Variants in TMEM26 observed in about 807,000 individuals in gnomAD.
The protein encoded by TMEM26 is transmembrane protein 26.
Under a neutral mutation model 28.8 loss-of-function variants are expected in TMEM26, and 38 were observed. That is an observed-to-expected ratio of 1.32 (90% CI 1.02 to 1.73). The LOEUF (loss-of-function observed/expected upper bound fraction) is 1.73, where lower values mean the gene tolerates loss of function less well. TMEM26 is among the 40% of genes most tolerant of loss of function. The pLI is 0.00. For missense variants in TMEM26, 518 were observed against 447.1 expected (o/e 1.16, Z -1.43); for synonymous variants, 227 against 182.9 (o/e 1.24, Z -1.95).
chr10:61,445,759 C>T (rs1840170458), intron 1 of TMEM26, among the ~76,000 whole-genome samples: 1 of 151,948 alleles, frequency 6.6e-6, no homozygotes, highest in Non-Finnish European at 1.5e-5. Context: ...AGTACCAAGA[C>T]TTTACAGGAA....
chr10:61,444,143 C>T (rs1840139940), intron 1 of TMEM26, among the ~76,000 whole-genome samples: 1 of 152,142 alleles, frequency 6.6e-6, no homozygotes, highest in Admixed American at 6.5e-5. Flanking sequence ...CTTGATTCTG[C>T]AGGCTTTCCA....
At chr10:61,429,584 A>G (rs1013168649) in intron 3 of TMEM26, among the ~76,000 whole-genome samples, 6 of 152,104 alleles carry the variant, frequency 3.9e-5, no homozygotes, top group Non-Finnish European at 8.8e-5. Context: ...TATTTTTAGC[A>G]TTGTACAAAT....
In TMEM26 at chr10:61,408,366, T is replaced by G. The variant is rs1417484309; in HGVS notation, c.*1956A>C. ...TCACGAAGCCAAGCCAAGTCTCAGA[T>G]TTGAAAGCATTTAAAAATATCCTTG... On this transcript the variant is annotated 3_prime_UTR_variant, in exon 6 of 6. Coordinates refer to ENST00000399298, the MANE Select transcript of TMEM26 (RefSeq NM_178505.8). The G allele has an allele frequency of 6.6e-6, 1 of 152,204 alleles. No individual in the cohort carries two copies. The highest frequency in any genetic ancestry group is 2.4e-5 in the African/African-American group (1 of 41,454). The allele number at this position is 152,204 out of a possible 1,614,324, so 9.4% of individuals were successfully genotyped here.
chr10:61,428,910 T>G lies in TMEM26; in HGVS notation c.605+16A>C. On this transcript the variant is annotated intron_variant, in intron 4 of 5. Transcript: ENST00000399298. The stretch of plus-strand genomic sequence containing the variant: ...GACCCTGAAAACAAGGTGTTTTTGC[T>G]GCAAGGAATGCTCACCTCACATTTT... 1 of 1,611,124 alleles carries G rather than the reference T, an allele frequency of 6.2e-7. No homozygotes were observed. Among genetic ancestry groups the G allele is most frequent in the Non-Finnish European group, 8.5e-7 (1 of 1,177,824 alleles).
intron 1 of TMEM26, among the ~76,000 whole-genome samples, chr10:61,446,028 CTT>C (rs879435876): frequency 1.4e-4 from 22 of 152,092 alleles, no homozygotes; most frequent in Non-Finnish European, 2.6e-4. Flanking sequence ...TATCAGTAAA[CTT>C]AATTTTCAGT....
intron 2 of TMEM26, 92 bp downstream of exon 2, chr10:61,436,078 T>G: frequency 1.3e-6 from 1 of 784,468 alleles, no homozygotes; most frequent in Non-Finnish European, 2.1e-6. Flanking sequence ...CTCCAGTACC[T>G]TAGAAAAGTG....
Position 61,429,117 on chromosome 10 carries a change from T to C in TMEM26, c.414A>G (p.Thr138=). ...TAKVFVNNLS[T]VCEKVWTLGL... ...CCAATGTCCAAACTTTCTCACATAC[T>C]GTAGATAAGTTATTCACAAAAACTT... is the stretch of plus-strand genomic sequence containing the variant. The change falls in exon 4 of 6, where the codon ACA becomes ACG. Residue 138 remains threonine, a synonymous_variant. Coordinates refer to ENST00000399298, the MANE Select transcript of TMEM26 (RefSeq NM_178505.8). The C allele has an allele frequency of 6.2e-7, 1 of 1,613,084 alleles. No individual in the cohort carries two copies. Among genetic ancestry groups the C allele is most frequent in the Non-Finnish European group, 8.5e-7 (1 of 1,179,342 alleles).
intron 2 of TMEM26, among the ~76,000 whole-genome samples, chr10:61,432,013 A>G (rs1839930883): frequency 6.6e-6 from 1 of 152,132 alleles, no homozygotes; most frequent in South Asian, 2.1e-4. Flanking sequence ...TAGTTTGCTT[A>G]GAATACTGGC....
chr10:61,432,056 T>G (rs1839931443), intron 2 of TMEM26, among the ~76,000 whole-genome samples: 1 of 152,104 alleles, frequency 6.6e-6, no homozygotes, highest in Non-Finnish European at 1.5e-5. Flanking sequence ...GCAAAGGACA[T>G]GATTTTGCTA....
In TMEM26 at chr10:61,409,647, C is replaced by A. The variant is rs1839538739; in HGVS notation, c.*675G>T. Reference sequence around the variant, plus strand: ...GCCTTGCAACCAGTAGATATGTAACCAAAATGGCTTGCTGTGAATTTTGTA... The same window carrying A: ...GCCTTGCAACCAGTAGATATGTAACAAAAATGGCTTGCTGTGAATTTTGTA... On this transcript the variant is annotated 3_prime_UTR_variant, in exon 6 of 6. Coordinates refer to ENST00000399298, the MANE Select transcript of TMEM26 (RefSeq NM_178505.8). 6.6e-6 allele frequency: 1 copy of A among 152,162 alleles called. No homozygotes were observed. Among genetic ancestry groups the A allele is most frequent in the South Asian group, 2.1e-4 (1 of 4,832 alleles). The allele number at this position is 152,162 out of a possible 1,614,324, so 9.4% of individuals were successfully genotyped here.
At chr10:61,412,114 C>T (rs1418170281) in intron 5 of TMEM26, among the ~76,000 whole-genome samples, 1 of 152,086 alleles carries the variant, frequency 6.6e-6, no homozygotes, top group East Asian at 1.9e-4. Context: ...AAATGAGGGC[C>T]AGGAAATGGC....
chr10:61,449,630 G>A (rs1420654720), intron 1 of TMEM26, among the ~76,000 whole-genome samples: 1 of 152,130 alleles, frequency 6.6e-6, no homozygotes, highest in Non-Finnish European at 1.5e-5. Context: ...GTAGCCCAGA[G>A]TAGTCCAAAG....
At chr10:61,441,984 T>A (rs1840102337) in intron 1 of TMEM26, among the ~76,000 whole-genome samples, 1 of 152,102 alleles carries the variant, frequency 6.6e-6, no homozygotes, top group South Asian at 2.1e-4. Context: ...GAGCACCATC[T>A]CAAAGGAGTT....
Position 61,445,569 on chromosome 10 carries a change from C to T in TMEM26, c.191+7322G>A, listed in dbSNP as rs537157114. 2.6e-5 allele frequency among the ~76,000 whole-genome samples: 4 copies of T among 152,084 alleles called. No individual in the cohort carries two copies. The South Asian group carries it at 8.3e-4, about 32-fold the overall frequency. ...TAGGTTTATATTCAGAGAAAAGTAACAAAATTGGCGTTCACCCTGGCATGT... is the reference window on the plus strand; with the variant it reads ...TAGGTTTATATTCAGAGAAAAGTAATAAAATTGGCGTTCACCCTGGCATGT... On this transcript the variant is annotated intron_variant, in intron 1 of 5. Coordinates refer to ENST00000399298, the MANE Select transcript of TMEM26 (RefSeq NM_178505.8).
rs116766898 is a variant in TMEM26, at chr10:61,434,601, A to G, written c.270+1569T>C. ...CAGTATAGTTTTAAAAAGCCATGAT[A>G]ACTTGAACCAAAAATATACAGTTAC... On this transcript the variant is annotated intron_variant, in intron 2 of 5. Coordinates refer to ENST00000399298, the MANE Select transcript of TMEM26 (RefSeq NM_178505.8). Among the ~76,000 whole-genome samples the G allele has an allele frequency of 2.4e-3, 373 of 152,330 alleles. 1 individual carries two copies. Among genetic ancestry groups the G allele is most frequent in the African/African-American group, 8.7e-3 (360 of 41,588 alleles).
intron 4 of TMEM26, 92 bp from the exon 5 acceptor site, chr10:61,413,627 TA>T (rs1839604966): frequency 1.4e-6 from 2 of 1,397,978 alleles, no homozygotes; most frequent in South Asian, 1.8e-5. Context: ...ATATTCCTAA[TA>T]AACCTCTTGT....
At chr10:61,449,471 A>G (rs1270360855) in intron 1 of TMEM26, among the ~76,000 whole-genome samples, 2 of 152,332 alleles carry the variant, frequency 1.3e-5, no homozygotes, top group East Asian at 3.9e-4. Context: ...CTAAAGAAAC[A>G]TTCACTGGAT....
At chr10:61,414,418 G>A (rs1429553472) in intron 4 of TMEM26, 1 of 151,998 alleles carries the variant, frequency 6.6e-6, no homozygotes, top group Admixed American at 6.6e-5. Context: ...AAAGCATCAA[G>A]GAGGAGTAAT....
chr10:61,436,837 G>A (rs1840016412), intron 1 of TMEM26, among the ~76,000 whole-genome samples: 1 of 152,040 alleles, frequency 6.6e-6, no homozygotes, highest in South Asian at 2.1e-4. Flanking sequence ...TTTTTTTTAA[G>A]TTATCTATAT....
Sources: gnomAD v4.1 joint callset for allele counts (sites outside exome capture counted in the v4.1 genomes callset) on GRCh38, gnomAD v4.1.1 for gene constraint, MANE v1.5 for transcripts, NCBI Gene and HGNC (gene_info 2026-07-23, HGNC 2026-07-21) for gene names.